The following ZHX2 variants were observed in gnomAD, a reference collection of about 807,000 sequenced individuals.
ZHX2 encodes zinc fingers and homeoboxes 2.
ZHX2 carries 6 observed loss-of-function variants against 21.9 expected under a neutral mutation model. That is an observed-to-expected ratio of 0.27 (90% CI 0.15 to 0.54). The LOEUF is 0.54. ZHX2 is among the 20% of genes least tolerant of loss of function. ZHX2 has a pLI of 0.95. For synonymous variants in ZHX2, 434 were observed against 437.1 expected (o/e 0.99, Z 0.09); for missense variants, 908 against 1,090.7 (o/e 0.83, Z 2.36).
chr8:122,971,323 C>G (rs1586435350), intron 3 of ZHX2, among the ~76,000 whole-genome samples: 1 of 145,126 alleles, frequency 6.9e-6, no homozygotes. Context: ...AATGAGTGAT[C>G]TTGACAACAT....
Position 122,888,547 on chromosome 8 carries a change from T to C in ZHX2, c.-220+25008T>C, listed in dbSNP as rs567195517. Among the ~76,000 whole-genome samples, 4 of 152,298 alleles carry C rather than the reference T, an allele frequency of 2.6e-5. No homozygotes were observed. The South Asian group carries it at 8.3e-4, about 32-fold the overall frequency. Reference sequence around the variant, plus strand: ...CCCAGGCTGGAGTGCAGTGGTGCGATCTTGGCTCACTGCAACCTCCGCCTC... The same window carrying C: ...CCCAGGCTGGAGTGCAGTGGTGCGACCTTGGCTCACTGCAACCTCCGCCTC... On this transcript the variant is annotated intron_variant, in intron 2 of 3. Coordinates refer to ENST00000314393, the MANE Select transcript of ZHX2 (RefSeq NM_014943.5).
At chr8:122,881,951 C>T (rs1180243925) in intron 2 of ZHX2, among the ~76,000 whole-genome samples, 2 of 152,156 alleles carry the variant, frequency 1.3e-5, no homozygotes, top group African/African-American at 4.8e-5. Context: ...TTTGCATTAA[C>T]CATGGAAGAA....
intron 1 of ZHX2, among the ~76,000 whole-genome samples, chr8:122,792,596 T>C (rs144004015): frequency 6.6e-6 from 1 of 152,098 alleles, no homozygotes; most frequent in East Asian, 1.9e-4. Context: ...ATCAGCAGAG[T>C]ATGAGAGAGT....
chr8:122,846,897 CTATT>C (rs1452861611), intron 1 of ZHX2, among the ~76,000 whole-genome samples: 1 of 152,044 alleles, frequency 6.6e-6, no homozygotes, highest in African/African-American at 2.4e-5. Flanking sequence ...GTGTTTAGCT[CTATT>C]TGAGAGGCCA....
chr8:122,945,586 C>T (rs1345644800), intron 2 of ZHX2, among the ~76,000 whole-genome samples: 4 of 151,596 alleles, frequency 2.6e-5, no homozygotes, highest in African/African-American at 9.7e-5. Flanking sequence ...AGATCAAAAA[C>T]ATGTAAAGGC....
In ZHX2 at chr8:122,842,365, A is replaced by G. The variant is rs545044094; in HGVS notation, c.-282-21112A>G. Among the ~76,000 whole-genome samples, 9 of 152,320 alleles carry G rather than the reference A, an allele frequency of 5.9e-5. No homozygotes were observed. In the South Asian group the frequency reaches 1.9e-3, roughly 32 times the overall value. ...TTCTTTCCAGGAGCAAATTCTCCCA[A>G]CAAACTGAACCGCTAGTTCAGTGGG... On this transcript the variant is annotated intron_variant, in intron 1 of 3. Coordinates refer to ENST00000314393, the MANE Select transcript of ZHX2 (RefSeq NM_014943.5).
At position 122,954,033 on chromosome 8, in the gene ZHX2, T is replaced by C; in HGVS notation, c.*4+5T>C. ...AGGCTGGCCAGGCCTAGACAGGTAA[T>C]TCCACCTGCTCACCCAGGCAGCAGG... On this transcript the variant is annotated splice_donor_5th_base_variant and intron_variant, in intron 3 of 3. Transcript: ENST00000314393. The C allele has an allele frequency of 6.4e-7, 1 of 1,568,882 alleles. No individual in the cohort carries two copies. The highest frequency in any genetic ancestry group is 8.6e-7 in the Non-Finnish European group (1 of 1,156,238).
intron 2 of ZHX2, among the ~76,000 whole-genome samples, chr8:122,864,893 G>A (rs1586339548): frequency 6.6e-6 from 1 of 152,264 alleles, no homozygotes; most frequent in Non-Finnish European, 1.5e-5. Context: ...CTTTGTAACT[G>A]GGTCTTCTTC....
At chr8:122,837,148 G>A (rs2096976375) in intron 1 of ZHX2, among the ~76,000 whole-genome samples, 1 of 152,138 alleles carries the variant, frequency 6.6e-6, no homozygotes, top group Non-Finnish European at 1.5e-5. Context: ...TCCACCCCTT[G>A]TTTAGCATAT....
intron 2 of ZHX2, among the ~76,000 whole-genome samples, chr8:122,935,681 A>G (rs547691747): frequency 7.2e-5 from 11 of 151,890 alleles, no homozygotes; most frequent in Middle Eastern, 6.8e-3. Flanking sequence ...GACTCCAGGC[A>G]CCCACCACCA....
In ZHX2 at chr8:122,933,743, G is replaced by T. The variant is rs768133100; in HGVS notation, c.-219-17549G>T. Among the ~76,000 whole-genome samples the T allele has an allele frequency of 1.5e-4, 23 of 152,188 alleles. No individual in the cohort carries two copies. The South Asian group carries it at 3.1e-3, about 21-fold the overall frequency. ...GATCGGTTTATGATTTGAAACTTAG[G>T]TAGATACACATACAAAGACAATTTC... On this transcript the variant is annotated intron_variant, in intron 2 of 3. Coordinates refer to ENST00000314393, the MANE Select transcript of ZHX2 (RefSeq NM_014943.5).
At chr8:122,971,762 A>T (rs1563613395) in intron 3 of ZHX2, among the ~76,000 whole-genome samples, 1 of 152,112 alleles carries the variant, frequency 6.6e-6, no homozygotes. Flanking sequence ...TGTCCTCTAG[A>T]GACCTGAGCC....
At chr8:122,915,781 G>A (rs1326416095) in intron 2 of ZHX2, among the ~76,000 whole-genome samples, 1 of 152,174 alleles carries the variant, frequency 6.6e-6, no homozygotes, top group African/African-American at 2.4e-5. Flanking sequence ...TTTTGTGATG[G>A]CAATGGGAAA....
chr8:122,910,990 C>T (rs1224373725), intron 2 of ZHX2, among the ~76,000 whole-genome samples: 2 of 152,198 alleles, frequency 1.3e-5, no homozygotes, highest in African/African-American at 2.4e-5. Context: ...TGTTATAAGT[C>T]ATGACAAGAA....
At chr8:122,901,747 T>C (rs912084909) in intron 2 of ZHX2, among the ~76,000 whole-genome samples, 1 of 152,140 alleles carries the variant, frequency 6.6e-6, no homozygotes, top group Non-Finnish European at 1.5e-5. Context: ...TGTTTAGAAG[T>C]GTCCCTGGCC....
upstream of ZHX2, chr8:122,780,892 A>C (rs1817264516): frequency 6.6e-6 from 1 of 152,162 alleles, no homozygotes; most frequent in African/African-American, 2.4e-5. Flanking sequence ...TTGGCTCTTA[A>C]GGGAAAAAAG....
intron 2 of ZHX2, among the ~76,000 whole-genome samples, chr8:122,881,030 C>G (rs1482093603): frequency 1.3e-5 from 2 of 152,222 alleles, no homozygotes; most frequent in African/African-American, 4.8e-5. Flanking sequence ...GTGGCATCAT[C>G]TCTCCAAGTC....
chr8:122,929,842 G>A (rs1820941160), intron 2 of ZHX2, among the ~76,000 whole-genome samples: 1 of 152,182 alleles, frequency 6.6e-6, no homozygotes, highest in African/African-American at 2.4e-5. Context: ...GGCGCTATGG[G>A]AAGCTATGGC....
At chr8:122,964,585 A>C (rs1813532407) in intron 3 of ZHX2, among the ~76,000 whole-genome samples, 1 of 152,034 alleles carries the variant, frequency 6.6e-6, no homozygotes, top group South Asian at 2.1e-4. Flanking sequence ...TCCATCAGGG[A>C]TATTGGTCTG....
Sources: gnomAD v4.1 joint callset for allele counts (sites outside exome capture counted in the v4.1 genomes callset) on GRCh38, gnomAD v4.1.1 for gene constraint, MANE v1.5 for transcripts, NCBI Gene and HGNC (gene_info 2026-07-23, HGNC 2026-07-21) for gene names.